The following ZNF704 variants were observed in gnomAD, a reference collection of about 807,000 sequenced individuals.
ZNF704 encodes zinc finger protein 704.
Under a neutral mutation model 44.7 loss-of-function variants are expected in ZNF704, and 10 were observed. The ratio of observed to expected loss-of-function variants is 0.22; its 90% CI spans 0.14 to 0.38. The LOEUF is 0.38. Among genes scored for constraint, ZNF704 ranks in the 10% least tolerant of loss-of-function variants. ZNF704 has a pLI of 1.00. For missense variants in ZNF704, 390 were observed against 545.5 expected (o/e 0.71, Z 2.84); for synonymous variants, 211 against 207.6 (o/e 1.02, Z -0.14).
At chr8:80,805,563 A>G (rs1182822354) in intron 2 of ZNF704, among the ~76,000 whole-genome samples, 5 of 152,174 alleles carry the variant, frequency 3.3e-5, no homozygotes, top group African/African-American at 4.8e-5. Flanking sequence ...ACAAAACTAG[A>G]TATCTTTTTT....
chr8:80,756,446 T>C (rs1443282508), intron 2 of ZNF704, among the ~76,000 whole-genome samples: 1 of 152,208 alleles, frequency 6.6e-6, no homozygotes, highest in Non-Finnish European at 1.5e-5. Context: ...GACTAGGTAG[T>C]TGAGACTATA....
chr8:80,824,066 A>C (rs866246002), intron 1 of ZNF704, among the ~76,000 whole-genome samples: 2 of 152,236 alleles, frequency 1.3e-5, no homozygotes, highest in Non-Finnish European at 2.9e-5. Context: ...ACAAAGCTGG[A>C]TGGAGAATGA....
chr8:80,845,550 G>T (rs1168384952), intron 1 of ZNF704, among the ~76,000 whole-genome samples: 1 of 152,156 alleles, frequency 6.6e-6, no homozygotes, highest in African/African-American at 2.4e-5. Flanking sequence ...GGATTTGGAA[G>T]GTCTTTCAGC....
At chr8:80,808,305 C>T (rs530942783) in intron 2 of ZNF704, among the ~76,000 whole-genome samples, 1 of 152,198 alleles carries the variant, frequency 6.6e-6, no homozygotes, top group East Asian at 1.9e-4. Flanking sequence ...GTAGATCTTA[C>T]TATACTTTGT....
chr8:80,655,530 AATG>A (rs1818000580), intron 7 of ZNF704, among the ~76,000 whole-genome samples: 1 of 152,216 alleles, frequency 6.6e-6, no homozygotes, highest in African/African-American at 2.4e-5. Flanking sequence ...TAAAGGCAGC[AATG>A]ATGGTAGGAA....
intron 2 of ZNF704, among the ~76,000 whole-genome samples, chr8:80,815,205 G>A (rs1461004096): frequency 1.3e-5 from 2 of 152,146 alleles, no homozygotes; most frequent in Admixed American, 6.6e-5. Flanking sequence ...AAAACAAATA[G>A]TACCATATGG....
At chr8:80,781,898 G>A (rs1382627687) in intron 2 of ZNF704, among the ~76,000 whole-genome samples, 1 of 152,184 alleles carries the variant, frequency 6.6e-6, no homozygotes, top group Non-Finnish European at 1.5e-5. Context: ...TTCTCCCACT[G>A]AAGAATGGCT....
At chr8:80,856,908 T>C (rs920776576) in intron 1 of ZNF704, among the ~76,000 whole-genome samples, 2 of 152,226 alleles carry the variant, frequency 1.3e-5, no homozygotes, top group East Asian at 1.9e-4. Context: ...GAGATTTTAA[T>C]TGGGATTGTG....
At chr8:80,765,642 T>A (rs960167940) in intron 2 of ZNF704, among the ~76,000 whole-genome samples, 5 of 152,244 alleles carry the variant, frequency 3.3e-5, no homozygotes, top group African/African-American at 1.2e-4. Context: ...TTTGGGATTT[T>A]AATCTCTTGC....
chr8:80,856,951 C>T (rs1204785116), intron 1 of ZNF704, among the ~76,000 whole-genome samples: 1 of 152,168 alleles, frequency 6.6e-6, no homozygotes, highest in African/African-American at 2.4e-5. Context: ...GGAGAACTGA[C>T]ATCTTAACCA....
At chr8:80,645,137 G>C in intron 7 of ZNF704, 1 of 1,607,800 alleles carries the variant, frequency 6.2e-7, no homozygotes, top group Non-Finnish European at 8.5e-7. Context: ...CCTCGTCGTC[G>C]TATTTGTCCA....
chr8:80,734,210 T>C (rs761586929), intron 2 of ZNF704, among the ~76,000 whole-genome samples: 11 of 152,242 alleles, frequency 7.2e-5, no homozygotes, highest in Non-Finnish European at 1.5e-4. Flanking sequence ...TGCTTCTCTT[T>C]AGTCTTCAGA....
intron 2 of ZNF704, among the ~76,000 whole-genome samples, chr8:80,742,734 A>G (rs1267118909): frequency 1.3e-5 from 2 of 152,088 alleles, no homozygotes; most frequent in Non-Finnish European, 2.9e-5. Context: ...AATGTTGATG[A>G]CATCGAAGGC....
At chr8:80,694,578 C>T (rs1818696202) in intron 2 of ZNF704, among the ~76,000 whole-genome samples, 1 of 152,078 alleles carries the variant, frequency 6.6e-6, no homozygotes, top group African/African-American at 2.4e-5. Flanking sequence ...TTTGTAAAAG[C>T]AATGAACTCT....
At chr8:80,770,527 T>C (rs530276663) in intron 2 of ZNF704, among the ~76,000 whole-genome samples, 34 of 152,354 alleles carry the variant, frequency 2.2e-4, no homozygotes, top group Admixed American at 1.8e-3. Context: ...TGTCTGTTCA[T>C]GTTGTTTGCC....
intron 1 of ZNF704, among the ~76,000 whole-genome samples, chr8:80,838,155 G>A (rs575109437): frequency 6.6e-6 from 1 of 152,270 alleles, no homozygotes; most frequent in African/African-American, 2.4e-5. Flanking sequence ...AGATTCGTGG[G>A]AACAGAAGCA....
intron 1 of ZNF704, among the ~76,000 whole-genome samples, chr8:80,868,232 G>A (rs527593573): frequency 6.6e-6 from 1 of 152,272 alleles, no homozygotes; most frequent in Non-Finnish European, 1.5e-5. Context: ...GGAGTAGGGA[G>A]GGGTTTGTGT....
In ZNF704 at chr8:80,634,770, C is replaced by T. The variant is rs1211179069; in HGVS notation, c.*6596G>A. 6.6e-6 allele frequency: 1 copy of T among 152,212 alleles called. No individual in the cohort carries two copies. Among genetic ancestry groups the T allele is most frequent in the Admixed American group, 6.5e-5 (1 of 15,282 alleles). The allele number at this position is 152,212 out of a possible 1,614,324, so 9.4% of individuals were successfully genotyped here. A position where few individuals can be genotyped will look rare whatever the true frequency, so the allele number is the denominator to read the frequency against. On this transcript the variant is annotated 3_prime_UTR_variant, in exon 9 of 9. Transcript: ENST00000327835. ...CATTTACAGAACTTGCCTGGTCCTTCTGAGGCACTGACATTTGCAACCTCT... is the reference window on the plus strand; with the variant it reads ...CATTTACAGAACTTGCCTGGTCCTTTTGAGGCACTGACATTTGCAACCTCT...
intron 4 of ZNF704, among the ~76,000 whole-genome samples, chr8:80,683,972 A>G (rs1818495145): frequency 1.3e-5 from 2 of 152,188 alleles, no homozygotes; most frequent in South Asian, 4.1e-4. Context: ...GATATAGGCA[A>G]TGCTCCCTCC....
Sources: gnomAD v4.1 joint callset for allele counts (sites outside exome capture counted in the v4.1 genomes callset) on GRCh38, gnomAD v4.1.1 for gene constraint, MANE v1.5 for transcripts, NCBI Gene and HGNC (gene_info 2026-07-23, HGNC 2026-07-21) for gene names.